The following FBXL22 variants were observed in gnomAD, a reference collection of about 807,000 sequenced individuals.
FBXL22 encodes the protein F-box and leucine rich repeat protein 22, also known as F-box and leucine-rich protein 22.
A neutral mutation model predicts 11.7 loss-of-function variants in FBXL22; 13 were observed. The observed-to-expected ratio is 1.11, with a 90% CI of 0.73 to 1.77. The LOEUF (loss-of-function observed/expected upper bound fraction) is 1.77, where lower values mean the gene tolerates loss of function less well. Ranked by LOEUF, FBXL22 falls within the 40% of genes most tolerant of loss-of-function variation. The pLI is 0.00. For synonymous variants in FBXL22, 160 were observed against 144.1 expected (o/e 1.11, Z -0.79); for missense variants, 406 against 320.4 (o/e 1.27, Z -2.04).
chr15:63,607,032 G>A (rs1238478190), downstream of FBXL22, among the ~76,000 whole-genome samples: 4 of 150,432 alleles, frequency 2.7e-5, no homozygotes, highest in Admixed American at 6.6e-5. Flanking sequence ...TCCTGGATTC[G>A]TCCAGGATCT....
chr15:63,607,492 C>A, the FBXL22 span, among the ~76,000 whole-genome samples: 1 of 152,340 alleles, frequency 6.6e-6, no homozygotes, highest in African/African-American at 2.4e-5. Context: ...GGGTTCCCCC[C>A]AAAGCTGGAG....
rs752422490 is a variant in FBXL22 at position 63,597,740 on chromosome 15, C to G, written c.348C>G (p.Cys116Trp). ...TCAATGATTTCCTCCTCCGGGTGTG[C>G]GACAGGTAGGCCACCTTGCCTCCTG... ...SLVNDFLLRV[C>W]DRCPNLASVT... is the part of the protein sequence containing the mutation. Residue 116 changes from cysteine to tryptophan, a missense_variant, in exon 1 of 2, where the codon TGC (cysteine) becomes TGG (tryptophan). By Grantham distance (215) the Cys-to-Trp change is radical. Coordinates refer to ENST00000638704, the MANE Select transcript of FBXL22 (RefSeq NM_001367807.1). The surrounding 1 kb of genome is among the most constrained non-coding windows in gnomAD (Gnocchi z 4.3). 1 of 1,572,956 alleles carries G rather than the reference C, an allele frequency of 6.4e-7. No individual in the cohort carries two copies. The highest frequency in any genetic ancestry group is 8.6e-7 in the Non-Finnish European group (1 of 1,156,182).
rs774890662 is a variant in FBXL22 at position 63,597,659 on chromosome 15, G to A, written c.267G>A (p.Glu89=). ...GCCGCGTGCAGGTGTGCAGCATTGAGGACTGGCTCAAGAGTGCCTTCCAGA... is the reference window on the plus strand; with the variant it reads ...GCCGCGTGCAGGTGTGCAGCATTGAAGACTGGCTCAAGAGTGCCTTCCAGA... The part of the protein sequence containing the change: ...HSSRVQVCSI[E]DWLKSAFQRS... Residue 89 remains glutamate (E), a synonymous_variant, in exon 1 of 2, where the codon GAG becomes GAA. Coordinates refer to ENST00000638704, the MANE Select transcript of FBXL22 (RefSeq NM_001367807.1). This position sits in a 1 kb window ranked among gnomAD's most constrained non-coding sequence, Gnocchi z 4.3. 28 of 1,612,146 alleles carry A rather than the reference G, an allele frequency of 1.7e-5. No individual in the cohort carries two copies. The East Asian group carries it at 5.8e-4, about 33-fold the overall frequency.
At chr15:63,600,636 T>C (rs2152688675) in intron 1 of FBXL22, 61 bp from the exon 2 acceptor site, 1 of 1,230,946 alleles carries the variant, frequency 8.1e-7, no homozygotes, top group Non-Finnish European at 1.0e-6. Flanking sequence ...CTCGGTCCCA[T>C]GGGGCGGTTG....
the FBXL22 span, among the ~76,000 whole-genome samples, chr15:63,608,151 C>T: frequency 2.0e-5 from 3 of 152,208 alleles, no homozygotes; most frequent in Admixed American, 6.5e-5. Context: ...GGCTGCCCTC[C>T]CCACTGAGAC....
At chr15:63,607,588 C>T in the FBXL22 span, among the ~76,000 whole-genome samples, 1 of 152,266 alleles carries the variant, frequency 6.6e-6, no homozygotes, top group Non-Finnish European at 1.5e-5. Context: ...GGTATTCTCA[C>T]TAAGAAAGAT....
At chr15:63,604,284 A>G (rs1003662348), downstream of FBXL22, among the ~76,000 whole-genome samples, 4 of 152,194 alleles carry the variant, frequency 2.6e-5, no homozygotes, top group Non-Finnish European at 4.4e-5. Flanking sequence ...GGGTCACTAT[A>G]GGTTGAGCTA....
downstream of FBXL22, chr15:63,601,662 T>A (rs113839350): frequency 0.024 from 39,148 of 1,607,838 alleles, 553 homozygotes; most frequent in Non-Finnish European, 0.028. Flanking sequence ...CCACCTTTCC[T>A]GGGGCGGATG....
rs778008676 is a variant in FBXL22, at chr15:63,597,639, G to A, written c.247G>A (p.Val83Met). The change falls in exon 1 of 2, where the codon GTG becomes ATG. Residue 83 changes from valine (V) to methionine (M), a missense_variant. Coordinates refer to ENST00000638704, the MANE Select transcript of FBXL22 (RefSeq NM_001367807.1). This position sits in a 1 kb window ranked among gnomAD's most constrained non-coding sequence, Gnocchi z 4.3. ...SLSICWHSSR[V>M]QVCSIEDWLK... is the part of the protein sequence containing the mutation. ...CTCCATCTGCTGGCACTCCAGCCGC[G>A]TGCAGGTGTGCAGCATTGAGGACTG... The A allele has an allele frequency of 6.8e-6, 11 of 1,613,112 alleles. No individual in the cohort carries two copies. Among genetic ancestry groups the A allele is most frequent in the South Asian group, 2.2e-5 (2 of 91,074 alleles).
At chr15:63,601,259 C>A, downstream of FBXL22, 1 of 1,532,542 alleles carries the variant, frequency 6.5e-7, no homozygotes, top group Non-Finnish European at 8.7e-7. Flanking sequence ...GGTTCTCACT[C>A]AACACCACCG....
At position 63,601,087 on chromosome 15, in the gene FBXL22, T is replaced by C; in HGVS notation, c.*48T>C. ...GGGGAAGGAGCGCAGCCCCAGACCG[T>C]CCTGGCTTCGAACCCAGCTCTTCCA... On this transcript the variant is annotated 3_prime_UTR_variant, in exon 2 of 2. Transcript: ENST00000638704. 7.8e-7 allele frequency: 1 copy of C among 1,285,092 alleles called. No individual in the cohort carries two copies. The highest frequency in any genetic ancestry group is 9.8e-7 in the Non-Finnish European group (1 of 1,017,980). 79.6% of individuals were successfully genotyped at this position (1,285,092 alleles called of 1,614,324 possible).
At chr15:63,601,531 C>T, downstream of FBXL22, 1 of 1,556,412 alleles carries the variant, frequency 6.4e-7, no homozygotes, top group Non-Finnish European at 8.7e-7. Flanking sequence ...GGGACCGCCA[C>T]CTCCAGGAGC....
chr15:63,599,386 A>C, intron 1 of FBXL22: 1 of 1,385,806 alleles, frequency 7.2e-7, no homozygotes, highest in Non-Finnish European at 9.3e-7. Flanking sequence ...CCTTATAACC[A>C]CCTTGAAGGT....
downstream of FBXL22, among the ~76,000 whole-genome samples, chr15:63,602,660 G>A (rs534581133): frequency 1.1e-4 from 17 of 152,116 alleles, no homozygotes; most frequent in Admixed American, 1.0e-3. Flanking sequence ...GGGCTATTAG[G>A]GATTGCTGGC....
At chr15:63,601,504 G>C (rs747672003), downstream of FBXL22, 64 of 1,550,180 alleles carry the variant, frequency 4.1e-5, 2 homozygotes, top group South Asian at 6.3e-4. Context: ...GACCCCGCCG[G>C]CTCCCGGAGT....
downstream of FBXL22, chr15:63,601,346 C>T (rs760234925): frequency 1.2e-6 from 2 of 1,603,530 alleles, no homozygotes; most frequent in African/African-American, 1.3e-5. Flanking sequence ...GCACCGTCCT[C>T]GGGGACTCCG....
downstream of FBXL22, among the ~76,000 whole-genome samples, chr15:63,603,264 G>A (rs183097726): frequency 2.8e-4 from 43 of 152,298 alleles, no homozygotes; most frequent in Non-Finnish European, 5.4e-4. Context: ...AAAACACACA[G>A]ACATCATACT....
In FBXL22 at chr15:63,601,130, C is replaced by A. The variant is rs1259610941; in HGVS notation, c.*91C>A. On this transcript the variant is annotated 3_prime_UTR_variant, in exon 2 of 2. Transcript: ENST00000638704. ...CTCTTCCACCTTCAGACCACCACCG[C>A]ATATTCTGAGCCTCATTTTCCCCGT... 3.7e-6 allele frequency: 5 copies of A among 1,354,098 alleles called. No individual in the cohort carries two copies. Among genetic ancestry groups the A allele is most frequent in the Non-Finnish European group, 4.7e-6 (5 of 1,056,774 alleles). The allele number at this position is 1,354,098 out of a possible 1,614,324, so 83.9% of individuals were successfully genotyped here. A position where few individuals can be genotyped will look rare whatever the true frequency, so the allele number is the denominator to read the frequency against.
chr15:63,606,958 A>G (rs189171716), downstream of FBXL22, among the ~76,000 whole-genome samples: 24 of 151,992 alleles, frequency 1.6e-4, no homozygotes, highest in African/African-American at 5.3e-4. Context: ...TTTGCTCTGC[A>G]TGTCCTCAGC....
Sources: gnomAD v4.1 joint callset for allele counts (sites outside exome capture counted in the v4.1 genomes callset) on GRCh38, gnomAD v4.1.1 for gene constraint, Gnocchi (gnomAD v3.1) non-coding constraint, MANE v1.5 for transcripts, NCBI Gene and HGNC (gene_info 2026-07-23, HGNC 2026-07-21) for gene names.